The following OSBP2 variants were observed in gnomAD, a reference collection of about 807,000 sequenced individuals.
The protein encoded by OSBP2 is oxysterol binding protein 2, also known as oxysterol-binding protein 2.
Under a neutral mutation model 96.0 loss-of-function variants are expected in OSBP2, and 66 were observed. That is an observed-to-expected ratio of 0.69 (90% CI 0.56 to 0.84). The LOEUF is 0.84. OSBP2 is among the 40% of genes least tolerant of loss of function. The probability of loss-of-function intolerance (pLI) is 0.00; values close to 1 mark genes in which losing one functional copy is unlikely to be tolerated. For synonymous variants in OSBP2, 525 were observed against 520.9 expected (o/e 1.01, Z -0.11); for missense variants, 1,038 against 1,222.7 (o/e 0.85, Z 2.25).
chr22:30,730,039 T>C (rs2089722223), intron 1 of OSBP2, among the ~76,000 whole-genome samples: 1 of 152,064 alleles, frequency 6.6e-6, no homozygotes. Context: ...CTCGGCTCAC[T>C]GCAACCTCTG....
chr22:30,774,997 G>A (rs1392274908), intron 2 of OSBP2, among the ~76,000 whole-genome samples: 2 of 152,020 alleles, frequency 1.3e-5, no homozygotes, highest in Non-Finnish European at 2.9e-5. Flanking sequence ...TTCAATTATG[G>A]CCAATCTTAT....
At chr22:30,846,266 C>T (rs1174469334) in intron 2 of OSBP2, among the ~76,000 whole-genome samples, 1 of 152,064 alleles carries the variant, frequency 6.6e-6, no homozygotes, top group Non-Finnish European at 1.5e-5. Flanking sequence ...CCTGTCTCAG[C>T]CTTTCATGTA....
At chr22:30,780,424 C>T (rs1296428963) in intron 2 of OSBP2, among the ~76,000 whole-genome samples, 3 of 152,216 alleles carry the variant, frequency 2.0e-5, no homozygotes, top group Non-Finnish European at 1.5e-5. Flanking sequence ...AATGTCACAG[C>T]TCTGTGACTC....
intron 2 of OSBP2, among the ~76,000 whole-genome samples, chr22:30,761,400 T>C (rs895262641): frequency 6.6e-6 from 1 of 152,158 alleles, no homozygotes; most frequent in Non-Finnish European, 1.5e-5. Context: ...AAATATAGTA[T>C]CTATATGTAA....
intron 2 of OSBP2, among the ~76,000 whole-genome samples, chr22:30,833,889 G>GT (rs201023093): frequency 0.014 from 2,093 of 152,150 alleles, 29 homozygotes; most frequent in Middle Eastern, 0.048. Flanking sequence ...TCTTATCAGT[G>GT]TTTTTTTACC....
intron 2 of OSBP2, among the ~76,000 whole-genome samples, chr22:30,743,868 C>T (rs1207367167): frequency 6.6e-6 from 1 of 152,078 alleles, no homozygotes; most frequent in Non-Finnish European, 1.5e-5. Context: ...TGCTTGTTAA[C>T]TCAGCTGGGC....
chr22:30,756,010 C>T (rs185801820), intron 2 of OSBP2, among the ~76,000 whole-genome samples: 7 of 152,286 alleles, frequency 4.6e-5, no homozygotes, highest in Non-Finnish European at 7.4e-5. Flanking sequence ...CGCAGCCTGA[C>T]CCCACTAGGC....
intron 2 of OSBP2, among the ~76,000 whole-genome samples, chr22:30,759,553 C>T (rs1402014335): frequency 1.3e-5 from 2 of 152,106 alleles, no homozygotes; most frequent in Admixed American, 1.3e-4. Context: ...AAAATAGATA[C>T]ATAATACATA....
intron 2 of OSBP2, among the ~76,000 whole-genome samples, chr22:30,853,799 C>T (rs1225089592): frequency 1.3e-5 from 2 of 149,662 alleles, no homozygotes; most frequent in African/African-American, 2.5e-5. Flanking sequence ...GACAGAGTCT[C>T]GCTCTGTCCC....
intron 2 of OSBP2, among the ~76,000 whole-genome samples, chr22:30,750,854 C>T (rs1351443324): frequency 6.6e-6 from 1 of 152,214 alleles, no homozygotes. Context: ...GAGCAATTCT[C>T]CTGCCTCAGC....
chr22:30,783,511 G>A (rs140289295), intron 2 of OSBP2, among the ~76,000 whole-genome samples: 242 of 151,520 alleles, frequency 1.6e-3, no homozygotes, highest in Middle Eastern at 3.4e-3. Context: ...TAGTTGAGAC[G>A]GGGTTTCACC....
intron 2 of OSBP2, among the ~76,000 whole-genome samples, chr22:30,802,684 G>A (rs1294238750): frequency 6.6e-6 from 1 of 152,248 alleles, no homozygotes; most frequent in Non-Finnish European, 1.5e-5. Context: ...ATCCCAGCCT[G>A]GGACAAGGCT....
intron 1 of OSBP2, among the ~76,000 whole-genome samples, chr22:30,731,028 G>A (rs1270927296): frequency 6.6e-6 from 1 of 150,468 alleles, no homozygotes; most frequent in Admixed American, 6.7e-5. Context: ...CAAAAAATTA[G>A]CCAGGCGTGG....
intron 5 of OSBP2, 94 bp from the exon 6 acceptor site, chr22:30,889,083 C>A: frequency 9.5e-7 from 1 of 1,057,628 alleles, no homozygotes; most frequent in South Asian, 1.5e-5. Flanking sequence ...CATTTACTAG[C>A]AATGAAAATG....
intron 1 of OSBP2, among the ~76,000 whole-genome samples, chr22:30,704,774 C>A (rs746586388): frequency 1.3e-4 from 20 of 152,036 alleles, no homozygotes; most frequent in Non-Finnish European, 2.2e-4. Context: ...TAAATCACAT[C>A]GTTTGTACAA....
intron 2 of OSBP2, among the ~76,000 whole-genome samples, chr22:30,856,373 CTTT>C (rs56875088): frequency 0.57 from 58,417 of 101,764 alleles, 14,487 homozygotes; most frequent in African/African-American, 0.72. Flanking sequence ...CAGAGCCCTT[CTTT>C]TTTTTTTTTT....
intron 2 of OSBP2, among the ~76,000 whole-genome samples, chr22:30,744,144 G>A (rs904024517): frequency 6.6e-6 from 1 of 152,150 alleles, no homozygotes; most frequent in Non-Finnish European, 1.5e-5. Flanking sequence ...GAAAGATTGG[G>A]ACCACCTGAT....
At chr22:30,808,437 G>A (rs1334436792) in intron 2 of OSBP2, among the ~76,000 whole-genome samples, 1 of 152,184 alleles carries the variant, frequency 6.6e-6, no homozygotes. Context: ...AGCTCAGGAG[G>A]TGAAGGCTGT....
chr22:30,732,415 G>A (rs1244915096), intron 1 of OSBP2, among the ~76,000 whole-genome samples: 1 of 152,038 alleles, frequency 6.6e-6, no homozygotes, highest in Non-Finnish European at 1.5e-5. Flanking sequence ...ATTCCTCATG[G>A]CAATTAGGAT....
Sources: gnomAD v4.1 joint callset for allele counts (sites outside exome capture counted in the v4.1 genomes callset) on GRCh38, gnomAD v4.1.1 for gene constraint, MANE v1.5 for transcripts, NCBI Gene and HGNC (gene_info 2026-07-23, HGNC 2026-07-21) for gene names.